Variants in MELK observed in about 807,000 individuals in gnomAD.
The protein encoded by MELK is maternal embryonic leucine zipper kinase, also known as pEg3 kinase.
A neutral mutation model predicts 85.0 loss-of-function variants in MELK; 81 were observed. The ratio of observed to expected loss-of-function variants is 0.95; its 90% confidence interval spans 0.80 to 1.15. The LOEUF is 1.15. MELK is among the 50% of genes most tolerant of loss of function. MELK has a pLI of 0.00. For missense variants in MELK, 754 were observed against 777.5 expected, an observed-to-expected ratio of 0.97 and a Z score of 0.36; for synonymous variants, 252 against 265.0, an observed-to-expected ratio of 0.95 and a Z score of 0.48.
At chr9:36,599,880 C>T (rs1200270002) in intron 7 of MELK, among the ~76,000 whole-genome samples, 1 of 152,106 alleles carries the variant, frequency 6.6e-6, no homozygotes, top group Non-Finnish European at 1.5e-5. Context: ...GGCCAGCAGC[C>T]CTGTGTAGGA....
chr9:36,646,142 G>C (rs548875821), intron 11 of MELK, among the ~76,000 whole-genome samples: 53 of 152,270 alleles, frequency 3.5e-4, no homozygotes, highest in African/African-American at 1.2e-3. Flanking sequence ...ACAACAAACA[G>C]TTATCCAGGT....
At chr9:36,576,360 A>T (rs541246878) in intron 1 of MELK, among the ~76,000 whole-genome samples, 1 of 152,074 alleles carries the variant, frequency 6.6e-6, no homozygotes, top group Non-Finnish European at 1.5e-5. Flanking sequence ...AAATGGCTTA[A>T]TATTGTTTAT....
chr9:36,584,301 G>A (rs1347091173), intron 3 of MELK, among the ~76,000 whole-genome samples: 3 of 142,760 alleles, frequency 2.1e-5, no homozygotes, highest in Admixed American at 1.4e-4. Context: ...CACCGCGCCC[G>A]GCCTCTTTTC....
intron 3 of MELK, among the ~76,000 whole-genome samples, chr9:36,584,409 C>T (rs890952473): frequency 9.3e-5 from 14 of 150,566 alleles, no homozygotes; most frequent in African/African-American, 3.2e-4. Flanking sequence ...CCTCCGCCTC[C>T]CAGGTTCACG....
chr9:36,602,818 CA>C (rs1825075234), intron 7 of MELK, among the ~76,000 whole-genome samples: 1 of 152,102 alleles, frequency 6.6e-6, no homozygotes, highest in Non-Finnish European at 1.5e-5. Flanking sequence ...CTTGGCCTAC[CA>C]AAGTGTTGGG....
At chr9:36,632,504 C>G (rs975584406) in intron 9 of MELK, among the ~76,000 whole-genome samples, 1 of 152,088 alleles carries the variant, frequency 6.6e-6, no homozygotes, top group African/African-American at 2.4e-5. Flanking sequence ...TCATCTCCAT[C>G]TTTTATTCAA....
chr9:36,640,424 C>G (rs751895352), intron 10 of MELK, among the ~76,000 whole-genome samples: 2 of 151,782 alleles, frequency 1.3e-5, no homozygotes, highest in Non-Finnish European at 2.9e-5. Flanking sequence ...TCTGGAGCCT[C>G]TTTTCTTTCT....
chr9:36,606,713 ACATG>A (rs1825580813), intron 7 of MELK: 4 of 147,968 alleles, frequency 2.7e-5, no homozygotes, highest in Non-Finnish European at 1.5e-5. Flanking sequence ...GTATATATGG[ACATG>A]CATGCATATA....
At chr9:36,592,487 C>G (rs1247748040) in intron 4 of MELK, among the ~76,000 whole-genome samples, 2 of 152,020 alleles carry the variant, frequency 1.3e-5, no homozygotes. Context: ...CTCAAATTTT[C>G]TTTTCTCTGA....
intron 8 of MELK, among the ~76,000 whole-genome samples, chr9:36,609,728 AG>A (rs1373425303): frequency 6.6e-6 from 1 of 152,156 alleles, no homozygotes; most frequent in African/African-American, 2.4e-5. Flanking sequence ...CTGAGATTAC[AG>A]GTGTGAGCTA....
chr9:36,658,021 T>C (rs75442657), intron 13 of MELK, among the ~76,000 whole-genome samples: 4,437 of 152,122 alleles, frequency 0.029, 220 homozygotes, highest in African/African-American at 0.1. Flanking sequence ...AATTAAGATA[T>C]AAAACAGTTC....
intron 2 of MELK, among the ~76,000 whole-genome samples, chr9:36,582,062 C>T (rs1005133494): frequency 2.6e-5 from 4 of 151,722 alleles, no homozygotes; most frequent in Admixed American, 1.3e-4. Flanking sequence ...AGCTCTGCCT[C>T]CCGGGTTCAC....
intron 7 of MELK, chr9:36,606,811 G>A (rs1020692083): frequency 2.0e-5 from 3 of 150,406 alleles, no homozygotes; most frequent in Non-Finnish European, 4.4e-5. Flanking sequence ...TTTAGATGGA[G>A]TTTCACTGTG....
intron 12 of MELK, among the ~76,000 whole-genome samples, chr9:36,653,777 A>G (rs1484939554): frequency 6.6e-6 from 1 of 151,768 alleles, no homozygotes; most frequent in Non-Finnish European, 1.5e-5. Context: ...TATAGGCCTC[A>G]AAACTGTAAA....
At chr9:36,599,266 A>G (rs1307507151) in intron 6 of MELK, 128 bp from the exon 7 acceptor site, 1 of 551,238 alleles carries the variant, frequency 1.8e-6, no homozygotes, top group Non-Finnish European at 3.0e-6. Context: ...GCGCCATTGC[A>G]CTCCAGCCTG....
intron 8 of MELK, among the ~76,000 whole-genome samples, chr9:36,618,805 A>T (rs1343010387): frequency 6.6e-6 from 1 of 152,132 alleles, no homozygotes; most frequent in Admixed American, 6.5e-5. Flanking sequence ...AGTGTCTCAT[A>T]GTGTAGGTTA....
intron 8 of MELK, among the ~76,000 whole-genome samples, chr9:36,615,100 G>T (rs1420458223): frequency 4.2e-5 from 6 of 143,020 alleles, no homozygotes; most frequent in Non-Finnish European, 6.2e-5. Context: ...CCCGGACGGG[G>T]CGGCTGGCCG....
At chr9:36,636,709 T>A (rs1017085724) in intron 10 of MELK, among the ~76,000 whole-genome samples, 1 of 151,472 alleles carries the variant, frequency 6.6e-6, no homozygotes, top group African/African-American at 2.4e-5. Context: ...TAACCTGGAC[T>A]TTTTTATGTA....
chr9:36,591,040 C>A (rs1194853817), intron 4 of MELK, among the ~76,000 whole-genome samples: 3 of 152,108 alleles, frequency 2.0e-5, no homozygotes, highest in Non-Finnish European at 4.4e-5. Flanking sequence ...TGCAGTGAGC[C>A]ACGTTAATGG....
Sources: allele counts gnomAD v4.1 joint callset (sites outside exome capture counted in the v4.1 genomes callset), GRCh38; gene constraint gnomAD v4.1.1; transcripts MANE v1.5; gene names NCBI Gene and HGNC (gene_info 2026-07-23, HGNC 2026-07-21).